The following EVL variants were observed in gnomAD, a reference collection of about 807,000 sequenced individuals.
EVL encodes the protein ena/VASP-like protein.
Under a neutral mutation model 59.6 loss-of-function variants are expected in EVL, and 21 were observed. That is an observed-to-expected ratio of 0.35 (90% CI 0.25 to 0.51). The LOEUF (loss-of-function observed/expected upper bound fraction) is 0.51, where lower values mean the gene tolerates loss of function less well. EVL is among the 20% of genes least tolerant of loss of function. The pLI is 0.97. For missense variants in EVL, 462 were observed against 546.6 expected, an observed-to-expected ratio of 0.85 and a Z score of 1.54; for synonymous variants, 198 against 203.5, an observed-to-expected ratio of 0.97 and a Z score of 0.23.
intron 1 of EVL, among the ~76,000 whole-genome samples, chr14:100,027,611 C>T (rs936971912): frequency 6.6e-6 from 1 of 152,100 alleles, no homozygotes; most frequent in Non-Finnish European, 1.5e-5. Context: ...GAATAATATT[C>T]TACTGTATAT....
At chr14:100,027,630 CT>C (rs1006157505) in intron 1 of EVL, among the ~76,000 whole-genome samples, 12 of 151,390 alleles carry the variant, frequency 7.9e-5, no homozygotes, top group South Asian at 2.1e-4. Context: ...ATTTATACCA[CT>C]TTTTTTTTAA....
At chr14:100,135,844 T>C in intron 8 of EVL, 61 bp from the exon 9 acceptor site, 1 of 1,487,120 alleles carries the variant, frequency 6.7e-7, no homozygotes. Context: ...AAGTGTCCAA[T>C]GATGTCCTGC....
At chr14:100,072,995 C>T (rs1424274856) in intron 1 of EVL, among the ~76,000 whole-genome samples, 3 of 152,148 alleles carry the variant, frequency 2.0e-5, no homozygotes, top group Admixed American at 1.3e-4. Context: ...AAGAAAATCA[C>T]TGCAGAATGT....
At chr14:99,993,062 T>TTC (rs2060885911) in intron 1 of EVL, among the ~76,000 whole-genome samples, 1 of 149,446 alleles carries the variant, frequency 6.7e-6, no homozygotes, top group South Asian at 2.1e-4. Context: ...TAATCCTTTT[T>TTC]TTTTTTTTTT....
chr14:100,064,778 C>G (rs1459476352), upstream of EVL, among the ~76,000 whole-genome samples: 1 of 152,190 alleles, frequency 6.6e-6, no homozygotes, highest in African/African-American at 2.4e-5. Context: ...GGCATGGTGG[C>G]ACATGCCTAT....
At chr14:99,998,314 G>T (rs540148813) in intron 1 of EVL, among the ~76,000 whole-genome samples, 2 of 152,038 alleles carry the variant, frequency 1.3e-5, no homozygotes, top group Admixed American at 6.6e-5. Flanking sequence ...CCTGCACTCC[G>T]CACAACAAAA....
chr14:100,085,689 C>T (rs892821662), intron 2 of EVL, among the ~76,000 whole-genome samples: 2 of 152,166 alleles, frequency 1.3e-5, no homozygotes, highest in Admixed American at 6.5e-5. Context: ...AATCAGCGAT[C>T]GGAAGAGAGA....
At chr14:100,008,056 A>G (rs1042702132) in intron 1 of EVL, among the ~76,000 whole-genome samples, 5 of 152,154 alleles carry the variant, frequency 3.3e-5, no homozygotes, top group African/African-American at 7.2e-5. Flanking sequence ...GACGTTGCCA[A>G]ATGTTCCTGG....
chr14:99,987,968 G>C (rs1156503661), intron 1 of EVL, among the ~76,000 whole-genome samples: 1 of 137,450 alleles, frequency 7.3e-6, no homozygotes, highest in Non-Finnish European at 1.5e-5. Context: ...AGGCTGGAGT[G>C]CAATGGCGTG....
chr14:100,025,192 C>T (rs1595576651), intron 1 of EVL, among the ~76,000 whole-genome samples: 1 of 152,230 alleles, frequency 6.6e-6, no homozygotes, highest in East Asian at 1.9e-4. Context: ...CCAGTAACTT[C>T]CCACTTCACT....
intron 3 of EVL, among the ~76,000 whole-genome samples, chr14:100,120,262 CT>C (rs1287844944): frequency 3.9e-5 from 6 of 152,222 alleles, no homozygotes; most frequent in Non-Finnish European, 8.8e-5. Flanking sequence ...TTCACCTGAA[CT>C]TTTCCCCAAG....
intron 1 of EVL, among the ~76,000 whole-genome samples, chr14:99,985,231 A>G (rs1023559290): frequency 4.6e-5 from 7 of 151,918 alleles, no homozygotes; most frequent in Non-Finnish European, 8.8e-5. Context: ...TATAGCCAAG[A>G]AGAATAGCAT....
At chr14:100,080,752 G>GTCTTT (rs2062282070) in intron 1 of EVL, among the ~76,000 whole-genome samples, 1 of 152,184 alleles carries the variant, frequency 6.6e-6, no homozygotes, top group Non-Finnish European at 1.5e-5. Flanking sequence ...AGGGGGGAAA[G>GTCTTT]AAGTCCACCA....
chr14:100,078,983 C>T (rs568918220), intron 1 of EVL, among the ~76,000 whole-genome samples: 4 of 152,304 alleles, frequency 2.6e-5, no homozygotes, highest in Admixed American at 6.5e-5. Context: ...AGGCCTTGGC[C>T]GCCTGCTTTC....
At chr14:100,006,126 C>T (rs924248072) in intron 1 of EVL, among the ~76,000 whole-genome samples, 5 of 150,780 alleles carry the variant, frequency 3.3e-5, no homozygotes, top group African/African-American at 1.2e-4. Flanking sequence ...TTGATCAGGT[C>T]GGATAGAGTT....
chr14:99,990,206 G>A (rs1416976002), intron 1 of EVL, among the ~76,000 whole-genome samples: 1 of 152,156 alleles, frequency 6.6e-6, no homozygotes, highest in Non-Finnish European at 1.5e-5. Context: ...ATCTAGAATG[G>A]TGAATATTTT....
At chr14:100,126,126 C>T (rs1032185125) in intron 4 of EVL, among the ~76,000 whole-genome samples, 7 of 152,244 alleles carry the variant, frequency 4.6e-5, no homozygotes, top group Non-Finnish European at 1.0e-4. Flanking sequence ...CCTTTAAGAG[C>T]ACCCTGAGGC....
intron 1 of EVL, among the ~76,000 whole-genome samples, chr14:100,074,017 C>CG (rs1367286743): frequency 9.7e-6 from 1 of 103,484 alleles, no homozygotes; most frequent in African/African-American, 4.2e-5. Context: ...GCGGTGGGGG[C>CG]GGGGGGTCGG....
intron 3 of EVL, among the ~76,000 whole-genome samples, chr14:100,100,190 C>T (rs76195798): frequency 0.054 from 8,254 of 152,022 alleles, 373 homozygotes; most frequent in African/African-American, 0.11. Context: ...ATCCAGAACC[C>T]GACCTCCTAC....
Sources: gnomAD v4.1 joint callset for allele counts (sites outside exome capture counted in the v4.1 genomes callset) on GRCh38, gnomAD v4.1.1 for gene constraint, MANE v1.5 for transcripts, NCBI Gene and HGNC (gene_info 2026-07-23, HGNC 2026-07-21) for gene names.